The following CFAP299 variants were observed in gnomAD, a reference collection of about 807,000 sequenced individuals.
CFAP299 encodes the protein cilia- and flagella-associated protein 299.
A neutral mutation model predicts 27.0 loss-of-function variants in CFAP299; 21 were observed. The ratio of observed to expected loss-of-function variants is 0.78; its 90% CI spans 0.55 to 1.12. CFAP299 has a LOEUF of 1.12. CFAP299 is among the 50% of genes most tolerant of loss of function. The pLI is 0.00. For missense variants in CFAP299, 310 were observed against 276.6 expected, an observed-to-expected ratio of 1.12 and a Z score of -0.86; for synonymous variants, 104 against 98.1, an observed-to-expected ratio of 1.06 and a Z score of -0.36.
intron 3 of CFAP299, among the ~76,000 whole-genome samples, chr4:80,653,721 G>T (rs766649535): frequency 2.0e-5 from 3 of 152,136 alleles, no homozygotes; most frequent in Non-Finnish European, 4.4e-5. Context: ...ACATTAAAAT[G>T]TGTTTGAAGC....
At chr4:80,578,558 GAAC>G (rs1735995784) in intron 2 of CFAP299, among the ~76,000 whole-genome samples, 1 of 152,066 alleles carries the variant, frequency 6.6e-6, no homozygotes, top group Non-Finnish European at 1.5e-5. Context: ...AATAAAAGAA[GAAC>G]AGTATGAACT....
At chr4:80,763,550 A>G (rs1198762128) in intron 3 of CFAP299, among the ~76,000 whole-genome samples, 2 of 152,214 alleles carry the variant, frequency 1.3e-5, no homozygotes, top group Non-Finnish European at 2.9e-5. Flanking sequence ...TATAGATTCA[A>G]TGCTATTCTC....
intron 2 of CFAP299, among the ~76,000 whole-genome samples, chr4:80,370,766 C>G (rs1171678019): frequency 6.6e-6 from 1 of 152,224 alleles, no homozygotes; most frequent in Non-Finnish European, 1.5e-5. Context: ...TGTGGCTTCA[C>G]CCCCACAGCT....
intron 3 of CFAP299, among the ~76,000 whole-genome samples, chr4:80,657,863 A>G (rs1009479368): frequency 1.3e-5 from 2 of 152,192 alleles, no homozygotes; most frequent in Non-Finnish European, 2.9e-5. Flanking sequence ...ATCCATGAGC[A>G]TAGAACGTTT....
intron 3 of CFAP299, among the ~76,000 whole-genome samples, chr4:80,868,455 T>C (rs933375349): frequency 6.6e-6 from 1 of 152,192 alleles, no homozygotes; most frequent in African/African-American, 2.4e-5. Context: ...CTGAAGATAG[T>C]ACTTCATGCA....
At chr4:80,481,323 A>G (rs969579131) in intron 2 of CFAP299, among the ~76,000 whole-genome samples, 69 of 152,168 alleles carry the variant, frequency 4.5e-4, no homozygotes, top group African/African-American at 1.6e-3. Flanking sequence ...TACCAATAAA[A>G]TCTCCCTAAA....
At chr4:80,416,183 T>C (rs1218326189) in intron 2 of CFAP299, among the ~76,000 whole-genome samples, 1 of 152,216 alleles carries the variant, frequency 6.6e-6, no homozygotes, top group African/African-American at 2.4e-5. Context: ...ACTGGGGTTG[T>C]TAAAATGTAG....
intron 3 of CFAP299, among the ~76,000 whole-genome samples, chr4:80,719,973 G>T (rs1023238372): frequency 1.3e-5 from 2 of 152,114 alleles, no homozygotes; most frequent in African/African-American, 4.8e-5. Context: ...TCTGAGAGAT[G>T]GGAAACAAAT....
intron 3 of CFAP299, among the ~76,000 whole-genome samples, chr4:80,740,861 G>A (rs893556812): frequency 2.0e-5 from 3 of 152,078 alleles, no homozygotes; most frequent in African/African-American, 7.2e-5. Flanking sequence ...GGCCACCACC[G>A]ATGTTTACTT....
chr4:80,749,588 C>A (rs184701734), intron 3 of CFAP299, among the ~76,000 whole-genome samples: 4 of 152,296 alleles, frequency 2.6e-5, no homozygotes, highest in Non-Finnish European at 4.4e-5. Flanking sequence ...GACAGTGCAG[C>A]CTTCAGTCTG....
At chr4:80,817,873 C>T (rs1022197340) in intron 3 of CFAP299, among the ~76,000 whole-genome samples, 1 of 150,838 alleles carries the variant, frequency 6.6e-6, no homozygotes, top group African/African-American at 2.4e-5. Context: ...GGTACATGTG[C>T]AGGATGTACA....
chr4:80,954,993 C>A (rs769671809), intron 5 of CFAP299, among the ~76,000 whole-genome samples: 12 of 74,746 alleles, frequency 1.6e-4, no homozygotes, highest in Non-Finnish European at 2.5e-4. Context: ...GAGCAAGACT[C>A]CATCAAAAAA....
At chr4:80,905,623 A>G (rs1735144872) in intron 4 of CFAP299, among the ~76,000 whole-genome samples, 1 of 152,168 alleles carries the variant, frequency 6.6e-6, no homozygotes, top group Non-Finnish European at 1.5e-5. Context: ...ACAGTTCCAC[A>G]GGGTTGGGGA....
intron 3 of CFAP299, among the ~76,000 whole-genome samples, chr4:80,848,358 T>A (rs1260183468): frequency 6.6e-6 from 1 of 152,174 alleles, no homozygotes; most frequent in Non-Finnish European, 1.5e-5. Context: ...TTAGGCAATT[T>A]CATCTTTTTG....
intron 1 of CFAP299, among the ~76,000 whole-genome samples, chr4:80,349,532 C>G (rs1035804701): frequency 1.3e-5 from 2 of 151,964 alleles, no homozygotes; most frequent in East Asian, 1.9e-4. Context: ...AAGCTGAAGA[C>G]TAATTTTACT....
chr4:80,666,202 AG>A (rs1412225993), intron 3 of CFAP299, among the ~76,000 whole-genome samples: 1 of 152,060 alleles, frequency 6.6e-6, no homozygotes, highest in Non-Finnish European at 1.5e-5. Context: ...CTCCTACCTT[AG>A]GCGTACTACT....
the CFAP299 span, among the ~76,000 whole-genome samples, chr4:80,330,206 C>T: frequency 6.6e-6 from 1 of 152,144 alleles, no homozygotes; most frequent in Non-Finnish European, 1.5e-5. Context: ...GCAGCTACTC[C>T]TAATTTCAAC....
chr4:80,576,196 AAAT>A (rs200313701), intron 2 of CFAP299, among the ~76,000 whole-genome samples: 23,919 of 132,126 alleles, frequency 0.18, 2,297 homozygotes, highest in South Asian at 0.36. Context: ...ATAAAAAAAA[AAAT>A]ATATATATAT....
At chr4:80,565,107 A>G (rs915643617) in intron 2 of CFAP299, among the ~76,000 whole-genome samples, 2 of 151,990 alleles carry the variant, frequency 1.3e-5, no homozygotes, top group Non-Finnish European at 2.9e-5. Flanking sequence ...ATGTTTATGT[A>G]CTCTTTGACC....
Sources: gnomAD v4.1 joint callset for allele counts (sites outside exome capture counted in the v4.1 genomes callset) on GRCh38, gnomAD v4.1.1 for gene constraint, MANE v1.5 for transcripts, NCBI Gene and HGNC (gene_info 2026-07-23, HGNC 2026-07-21) for gene names.